ANKRD11: variants seen among roughly 807,000 people sequenced by gnomAD.
ANKRD11 encodes ankyrin repeat domain-containing protein 11.
A neutral mutation model predicts 195.7 loss-of-function variants in ANKRD11; 17 were observed. That is an observed-to-expected ratio of 0.09 (90% CI 0.06 to 0.13). The LOEUF (loss-of-function observed/expected upper bound fraction) is 0.13. Ranked by LOEUF, ANKRD11 falls within the 10% of genes least tolerant of loss-of-function variation. ANKRD11 has a pLI of 1.00. For missense variants in ANKRD11, 3,735 were observed against 3,566.1 expected, an observed-to-expected ratio of 1.05 and a Z score of -1.21; for synonymous variants, 1,953 against 1,528.1, an observed-to-expected ratio of 1.28 and a Z score of -6.49.
In ANKRD11 at chr16:89,280,236, G is replaced by T. The variant is rs770909420; in HGVS notation, c.6306C>A (p.Phe2102Leu). The T allele has an allele frequency of 1.9e-6, 3 of 1,608,498 alleles. No individual in the cohort carries two copies. The highest frequency in any genetic ancestry group is 2.5e-6 in the Non-Finnish European group (3 of 1,179,474). ...GAGACAGGCCGCGGCTGCCGTCCAG[G>T]AAGCTATTTTCCAGGGGCCCCAGAG... ...VEALGPLENS[F>L]LDGSRGLSHL... Residue 2102 changes from phenylalanine to leucine, a missense_variant, in exon 9 of 13, where the codon TTC (phenylalanine) becomes TTA (leucine). By Grantham distance (22) the Phe-to-Leu change is conservative. Transcript: ENST00000301030.
chr16:89,469,680 C>T (rs373661304), intron 1 of ANKRD11, among the ~76,000 whole-genome samples: 3 of 149,576 alleles, frequency 2.0e-5, no homozygotes, highest in African/African-American at 4.9e-5. Flanking sequence ...GGGCGGATCA[C>T]GAGGTCAGGA....
intron 2 of ANKRD11, among the ~76,000 whole-genome samples, chr16:89,366,257 G>A (rs1555553891): frequency 6.6e-6 from 1 of 151,690 alleles, no homozygotes; most frequent in South Asian, 2.1e-4. Flanking sequence ...TGGATTCCAT[G>A]TCTTCTTCTG....
At chr16:89,422,386 G>A (rs183194820) in intron 1 of ANKRD11, among the ~76,000 whole-genome samples, 665 of 152,198 alleles carry the variant, frequency 4.4e-3, no homozygotes, top group Non-Finnish European at 7.2e-3. Flanking sequence ...AAAGGATCTT[G>A]GATGTTATCA....
intron 11 of ANKRD11, chr16:89,271,503 C>G (rs2033151557): frequency 6.1e-6 from 1 of 163,606 alleles, no homozygotes; most frequent in Non-Finnish European, 1.4e-5. Flanking sequence ...GATGTCCAGG[C>G]TCCTCCCCTT....
intron 2 of ANKRD11, among the ~76,000 whole-genome samples, chr16:89,357,461 C>T (rs2039536525): frequency 6.6e-6 from 1 of 152,076 alleles, no homozygotes. Flanking sequence ...AACAGTGTGA[C>T]GATTCCTCAA....
At position 89,274,973 on chromosome 16, in the gene ANKRD11, A is replaced by G; in HGVS notation, c.7570-16T>C. 1 of 1,612,964 alleles carries G rather than the reference A, an allele frequency of 6.2e-7. No individual in the cohort carries two copies. The highest frequency in any genetic ancestry group is 8.5e-7 in the Non-Finnish European group (1 of 1,179,950). On this transcript the variant is annotated splice_polypyrimidine_tract_variant and intron_variant, in intron 10 of 12. Coordinates refer to ENST00000301030, the MANE Select transcript of ANKRD11 (RefSeq NM_013275.6). ...TCAGCTTCTCCTGAAGGAGGAGAGG[A>G]GTAGAGTGAGCTGGGACACAGCCAC...
At chr16:89,269,133 C>G (rs764497172) in intron 12 of ANKRD11, among the ~76,000 whole-genome samples, 1 of 152,176 alleles carries the variant, frequency 6.6e-6, no homozygotes, top group Non-Finnish European at 1.5e-5. Context: ...GAAATGGAAG[C>G]GTGGCCAGGG....
At chr16:89,276,566 A>C (rs2033670451) in intron 9 of ANKRD11, among the ~76,000 whole-genome samples, 1 of 152,086 alleles carries the variant, frequency 6.6e-6, no homozygotes, top group Admixed American at 6.5e-5. Context: ...CTCTGACCAC[A>C]CTGCTGACCG....
intron 1 of ANKRD11, among the ~76,000 whole-genome samples, chr16:89,449,083 G>A (rs1443617614): frequency 6.6e-6 from 1 of 151,770 alleles, no homozygotes; most frequent in Non-Finnish European, 1.5e-5. Context: ...AGGTGTGGTG[G>A]CTCACACCTG....
At chr16:89,460,659 C>G (rs148398947) in intron 1 of ANKRD11, among the ~76,000 whole-genome samples, 1 of 152,152 alleles carries the variant, frequency 6.6e-6, no homozygotes, top group African/African-American at 2.4e-5. Context: ...GTTGTTTGAG[C>G]CCAGGAGGTC....
chr16:89,313,123 C>T (rs2151905386), intron 3 of ANKRD11, among the ~76,000 whole-genome samples: 1 of 152,328 alleles, frequency 6.6e-6, no homozygotes. Flanking sequence ...CTAACAAGCT[C>T]CAGCAGCTCA....
intron 4 of ANKRD11, among the ~76,000 whole-genome samples, chr16:89,295,985 CT>C (rs60214636): frequency 0.012 from 550 of 45,080 alleles, 7 homozygotes; most frequent in Middle Eastern, 0.025. Context: ...ATCTGGCTGC[CT>C]TTTTTTTTTT....
rs1361757335 is a variant in ANKRD11 at position 89,279,730 on chromosome 16, G to A, written c.6812C>T (p.Pro2271Leu). The A allele has an allele frequency of 1.3e-6, 2 of 1,537,570 alleles. No homozygotes were observed. Among genetic ancestry groups the A allele is most frequent in the East Asian group, 4.8e-5 (2 of 41,786 alleles). The change falls in exon 9 of 13, where the codon CCT (proline) becomes CTT (leucine). Residue 2271 changes from proline to leucine, a missense_variant. Pro to Leu is a moderately conservative substitution (Grantham distance 98, BLOSUM62 -3). Transcript: ENST00000301030. The surrounding 1 kb of genome is among the most constrained non-coding windows in gnomAD (Gnocchi z 5.6). ...EGPPAASLCA[P>L]DGPAPNTVAQ... ...CACAGTGTTCGGGGCGGGGCCGTCAGGGGCACAGAGGGACGCGGCGGGGGG... is the reference window on the plus strand; with the variant it reads ...CACAGTGTTCGGGGCGGGGCCGTCAAGGGCACAGAGGGACGCGGCGGGGGG...
chr16:89,429,038 G>A (rs1023637596), intron 1 of ANKRD11, among the ~76,000 whole-genome samples: 1 of 152,198 alleles, frequency 6.6e-6, no homozygotes, highest in African/African-American at 2.4e-5. Context: ...TTGGGGGGAG[G>A]GAAGGGACTA....
At chr16:89,408,885 A>T (rs1209887194) in intron 2 of ANKRD11, among the ~76,000 whole-genome samples, 3 of 152,266 alleles carry the variant, frequency 2.0e-5, no homozygotes, top group Admixed American at 2.0e-4. Context: ...GATATCTAGC[A>T]GAGCATGTGC....
At chr16:89,364,866 C>G (rs1306865120) in intron 2 of ANKRD11, among the ~76,000 whole-genome samples, 1 of 152,240 alleles carries the variant, frequency 6.6e-6, no homozygotes, top group African/African-American at 2.4e-5. Context: ...GATGTTCCAA[C>G]AGCCTGGCAC....
intron 2 of ANKRD11, among the ~76,000 whole-genome samples, chr16:89,338,056 A>G (rs1296468652): frequency 6.6e-6 from 1 of 152,144 alleles, no homozygotes; most frequent in Non-Finnish European, 1.5e-5. Flanking sequence ...CACCAGGACC[A>G]CTGTGTCGCG....
chr16:89,290,844 G>A lies in ANKRD11; in HGVS notation c.398-16C>T. ...GTTGTGTCCACTGCAGGCCAAGGAGGGGACAGATGGGCATTACTGTGGGGT... is the reference window on the plus strand; with the variant it reads ...GTTGTGTCCACTGCAGGCCAAGGAGAGGACAGATGGGCATTACTGTGGGGT... On this transcript the variant is annotated splice_polypyrimidine_tract_variant and intron_variant, in intron 5 of 12. Transcript: ENST00000301030. 1 of 1,612,822 alleles carries A rather than the reference G, an allele frequency of 6.2e-7. No homozygotes were observed.
intron 2 of ANKRD11, among the ~76,000 whole-genome samples, chr16:89,396,978 G>C (rs1248860643): frequency 6.6e-5 from 10 of 152,268 alleles, no homozygotes; most frequent in South Asian, 2.1e-4. Context: ...GCATGAGCCA[G>C]GGGACTTGAC....
Sources: allele counts gnomAD v4.1 joint callset (sites outside exome capture counted in the v4.1 genomes callset), GRCh38; gene constraint gnomAD v4.1.1; non-coding constraint Gnocchi (gnomAD v3.1); transcripts MANE v1.5; gene names NCBI Gene and HGNC (gene_info 2026-07-23, HGNC 2026-07-21).